The following NBEA variants were observed in gnomAD, a reference collection of about 807,000 sequenced individuals.
NBEA encodes lysosomal-trafficking regulator 2.
NBEA carries 44 observed loss-of-function variants against 343.4 expected under a neutral mutation model. The observed-to-expected ratio is 0.13, with a 90% CI of 0.10 to 0.16. The LOEUF is 0.16. Among genes scored for constraint, NBEA ranks in the 10% least tolerant of loss-of-function variants. NBEA has a pLI of 1.00. For synonymous variants in NBEA, 1,175 were observed against 1,238.7 expected (o/e 0.95, Z 1.08); for missense variants, 2,555 against 3,631.3 (o/e 0.70, Z 7.62).
chr13:35,365,708 T>C (rs747546357), intron 38 of NBEA, among the ~76,000 whole-genome samples: 3 of 151,668 alleles, frequency 2.0e-5, no homozygotes, highest in African/African-American at 7.2e-5. Context: ...TAAAACAAAA[T>C]GTTCTACTCA....
chr13:34,988,507 C>T (rs1298808242), intron 1 of NBEA, among the ~76,000 whole-genome samples: 1 of 150,886 alleles, frequency 6.6e-6, no homozygotes, highest in Admixed American at 6.6e-5. Flanking sequence ...CAATGGCAGA[C>T]CCCCCTGCCC....
intron 10 of NBEA, among the ~76,000 whole-genome samples, chr13:35,076,302 T>C (rs2064115125): frequency 6.6e-6 from 1 of 151,944 alleles, no homozygotes; most frequent in Admixed American, 6.6e-5. Context: ...AAAAAATACA[T>C]TTGATGTACT....
rs562188305 is a variant in NBEA, at chr13:35,179,663, A to G, written c.4662+2560A>G. On this transcript the variant is annotated intron_variant, in intron 28 of 58. Transcript: ENST00000379939. ...ACAGCGCTGCCACTGTGTAGTTGGC[A>G]TTCATTCATTCATTCCACACATATT... 5 of 455,526 alleles carry G rather than the reference A, an allele frequency of 1.1e-5. No individual in the cohort carries two copies. In the South Asian group the frequency reaches 4.6e-4, roughly 42 times the overall value. 28.2% of individuals were successfully genotyped at this position (455,526 alleles called of 1,614,324 possible).
chr13:35,603,643 GT>G (rs745488954), intron 47 of NBEA, among the ~76,000 whole-genome samples: 3 of 152,100 alleles, frequency 2.0e-5, no homozygotes, highest in Non-Finnish European at 4.4e-5. Context: ...AGATATATAC[GT>G]TCCTCTCTGC....
At chr13:35,461,015 A>G (rs2046874590) in intron 40 of NBEA, among the ~76,000 whole-genome samples, 1 of 152,162 alleles carries the variant, frequency 6.6e-6, no homozygotes, top group African/African-American at 2.4e-5. Flanking sequence ...TAAAGTCACC[A>G]GTTCTACTCC....
At chr13:35,608,328 A>G (rs529544551) in intron 48 of NBEA, among the ~76,000 whole-genome samples, 56 of 152,232 alleles carry the variant, frequency 3.7e-4, no homozygotes, top group African/African-American at 1.3e-3. Flanking sequence ...TTATTTCTTC[A>G]ATTTATATTT....
At chr13:35,018,928 A>C (rs2061741678) in intron 1 of NBEA, among the ~76,000 whole-genome samples, 1 of 152,140 alleles carries the variant, frequency 6.6e-6, no homozygotes, top group Non-Finnish European at 1.5e-5. Flanking sequence ...TTCTATTTCT[A>C]GTTTGTTGAG....
chr13:35,451,338 T>A (rs2046302742), intron 39 of NBEA, among the ~76,000 whole-genome samples: 1 of 152,206 alleles, frequency 6.6e-6, no homozygotes, highest in Admixed American at 6.5e-5. Flanking sequence ...TTAACCAGGA[T>A]GGTCTCATCT....
At position 35,347,555 on chromosome 13, in the gene NBEA, ATTAC is replaced by A. The variant is rs551118176; in HGVS notation, c.5904-1549_5904-1546del. The stretch of plus-strand genomic sequence containing the variant: ...ATATTATTTTTTTTAATATGCAGTA[ATTAC>A]TTAATGCAAAAAAAATTGAAGAAGA... On this transcript the variant is annotated intron_variant, in intron 36 of 58. Transcript: ENST00000379939. Among the ~76,000 whole-genome samples, 876 of 152,152 alleles carry A rather than the reference ATTAC, an allele frequency of 5.8e-3. 10 individuals carry two copies. The highest frequency in any genetic ancestry group is 0.02 in the African/African-American group (849 of 41,526).
chr13:35,379,080 A>C (rs1224200188), intron 38 of NBEA, among the ~76,000 whole-genome samples: 1 of 151,266 alleles, frequency 6.6e-6, no homozygotes, highest in African/African-American at 2.4e-5. Context: ...TCTGGTACAT[A>C]TTTGTTTTTT....
intron 28 of NBEA, among the ~76,000 whole-genome samples, chr13:35,179,562 A>T (rs1431177745): frequency 6.6e-6 from 1 of 151,646 alleles, no homozygotes. Flanking sequence ...AAATAAAAAA[A>T]AAAGCTAACT....
Position 35,164,496 on chromosome 13 carries a change from C to T in NBEA, c.4220C>T (p.Ala1407Val). Residue 1407 changes from alanine to valine, a missense_variant, in exon 24 of 59, where the codon GCT becomes GTT. Coordinates refer to ENST00000379939, the MANE Select transcript of NBEA (RefSeq NM_001385012.1). ...GGAATTTTACCTTTGCTCTCTGCTGCTACATCACCAACTGTAAGTACTTTG... is the reference window on the plus strand; with the variant it reads ...GGAATTTTACCTTTGCTCTCTGCTGTTACATCACCAACTGTAAGTACTTTG... ...CGGILPLLSA[A>V]TSPTGSKTEL... 8 of 1,610,242 alleles carry T rather than the reference C, an allele frequency of 5.0e-6. No individual in the cohort carries two copies. The highest frequency in any genetic ancestry group is 2.5e-6 in the Non-Finnish European group (3 of 1,178,016).
intron 39 of NBEA, among the ~76,000 whole-genome samples, chr13:35,446,257 T>A (rs997232791): frequency 1.5e-4 from 23 of 152,066 alleles, no homozygotes; most frequent in African/African-American, 5.3e-4. Flanking sequence ...TGCTATTGTG[T>A]ATAGTGCCAC....
At chr13:35,651,357 C>T (rs146050436) in intron 52 of NBEA, among the ~76,000 whole-genome samples, 8 of 152,126 alleles carry the variant, frequency 5.3e-5, no homozygotes, top group Non-Finnish European at 1.0e-4. Context: ...CCCAGGTGAG[C>T]GCAGGCTCAT....
At chr13:35,523,064 T>G (rs1168825061) in intron 41 of NBEA, among the ~76,000 whole-genome samples, 1 of 152,204 alleles carries the variant, frequency 6.6e-6, no homozygotes, top group African/African-American at 2.4e-5. Flanking sequence ...TCCCAAATGT[T>G]TAGTTTGATG....
At chr13:35,630,955 C>G (rs771335777) in intron 49 of NBEA, among the ~76,000 whole-genome samples, 2 of 152,160 alleles carry the variant, frequency 1.3e-5, no homozygotes, top group African/African-American at 2.4e-5. Flanking sequence ...CACCATTCCC[C>G]CCTCTAACAT....
chr13:35,621,803 C>T (rs2083005683), intron 48 of NBEA, among the ~76,000 whole-genome samples: 1 of 152,030 alleles, frequency 6.6e-6, no homozygotes, highest in African/African-American at 2.4e-5. Flanking sequence ...AGTTATTATC[C>T]AATGATAGGT....
chr13:34,966,579 G>A (rs1478515758), intron 1 of NBEA, among the ~76,000 whole-genome samples: 1 of 149,944 alleles, frequency 6.7e-6, no homozygotes, highest in Non-Finnish European at 1.5e-5. Context: ...GTCTTTTCGT[G>A]GCTTTGTGAC....
At chr13:35,091,013 G>T (rs899965301) in intron 10 of NBEA, among the ~76,000 whole-genome samples, 2 of 151,918 alleles carry the variant, frequency 1.3e-5, no homozygotes, top group Non-Finnish European at 1.5e-5. Flanking sequence ...AGACAACTCT[G>T]GGAGAAATCC....
Sources: allele counts gnomAD v4.1 joint callset (sites outside exome capture counted in the v4.1 genomes callset), GRCh38; gene constraint gnomAD v4.1.1; transcripts MANE v1.5; gene names NCBI Gene and HGNC (gene_info 2026-07-23, HGNC 2026-07-21).